Variants in RFX4 observed in about 807,000 individuals in gnomAD.
RFX4 encodes regulatory factor X4.
A neutral mutation model predicts 95.0 loss-of-function variants in RFX4; 10 were observed. The observed-to-expected ratio is 0.11, with a 90% CI of 0.06 to 0.18. RFX4 has a LOEUF of 0.18. RFX4 is among the 10% of genes least tolerant of loss of function. The pLI is 1.00. For missense variants in RFX4, 640 were observed against 922.0 expected, an observed-to-expected ratio of 0.69 and a Z score of 3.96; for synonymous variants, 321 against 340.7, an observed-to-expected ratio of 0.94 and a Z score of 0.64.
chr12:106,647,273 A>C (rs1191123585), intron 3 of RFX4, among the ~76,000 whole-genome samples: 1 of 152,206 alleles, frequency 6.6e-6, no homozygotes, highest in Non-Finnish European at 1.5e-5. Context: ...CTTTAGAGGC[A>C]TCATACCTGA....
rs1411652638 is a variant in RFX4 at position 106,761,568 on chromosome 12, G to A, written c.*99G>A. The A allele has an allele frequency of 1.1e-6, 1 of 886,228 alleles. No homozygotes were observed. The allele number at this position is 886,228 out of a possible 1,614,324, so 54.9% of individuals were successfully genotyped here. The stretch of plus-strand genomic sequence containing the variant: ...CCAGAAGACTTTATCTCTATACATT[G>A]TAACTCATGGGCTATTCCTAAGTGC... On this transcript the variant is annotated 3_prime_UTR_variant, in exon 18 of 18. Transcript: ENST00000392842.
chr12:106,746,396 G>A (rs1199997598), intron 15 of RFX4, among the ~76,000 whole-genome samples: 2 of 151,648 alleles, frequency 1.3e-5, no homozygotes, highest in South Asian at 2.1e-4. Flanking sequence ...GCTGGGCATG[G>A]TGGTACATAC....
At chr12:106,695,315 A>T (rs916571073) in intron 7 of RFX4, among the ~76,000 whole-genome samples, 1 of 152,210 alleles carries the variant, frequency 6.6e-6, no homozygotes, top group African/African-American at 2.4e-5. Context: ...GTTAGCTGAT[A>T]GCTGAAGTCT....
At chr12:106,667,886 T>A (rs2041208935) in intron 4 of RFX4, among the ~76,000 whole-genome samples, 1 of 152,204 alleles carries the variant, frequency 6.6e-6, no homozygotes, top group Non-Finnish European at 1.5e-5. Context: ...GATGAGGTAG[T>A]TGTCTCCAGG....
At chr12:106,739,275 C>A (rs1239569328) in intron 15 of RFX4, among the ~76,000 whole-genome samples, 2 of 152,108 alleles carry the variant, frequency 1.3e-5, no homozygotes, top group Non-Finnish European at 2.9e-5. Context: ...GTTGATCAGA[C>A]AATGTAAATA....
At chr12:106,632,666 T>TTTTTG (rs981634465) in intron 2 of RFX4, among the ~76,000 whole-genome samples, 3 of 152,300 alleles carry the variant, frequency 2.0e-5, no homozygotes, top group East Asian at 1.9e-4. Context: ...TTGGGGTTTC[T>TTTTTG]TTTTGTTTTG....
At chr12:106,682,368 A>G (rs1181545603) in intron 5 of RFX4, 2 of 403,352 alleles carry the variant, frequency 5.0e-6, no homozygotes, top group East Asian at 4.5e-5. Flanking sequence ...CTCTTGGAGG[A>G]TCACCAGGTT....
chr12:106,669,703 A>G (rs1293894398), intron 4 of RFX4, among the ~76,000 whole-genome samples: 2 of 143,208 alleles, frequency 1.4e-5, no homozygotes, highest in Non-Finnish European at 3.1e-5. Context: ...TCCAGTTCTC[A>G]AAGGAAAAAA....
At chr12:106,693,213 T>A (rs2137440191) in intron 7 of RFX4, 1 of 297,198 alleles carries the variant, frequency 3.4e-6, no homozygotes, top group South Asian at 3.0e-5. Flanking sequence ...GGAACAAGTA[T>A]CATTGGACAA....
intron 1 of RFX4, chr12:106,601,167 C>T: frequency 6.7e-7 from 1 of 1,499,390 alleles, no homozygotes; most frequent in Non-Finnish European, 8.9e-7. Context: ...ACCTGAGCCA[C>T]CCCCTGGAGA....
chr12:106,612,876 TAAC>T (rs1390862310), intron 2 of RFX4, among the ~76,000 whole-genome samples: 1 of 152,000 alleles, frequency 6.6e-6, no homozygotes, highest in Admixed American at 6.6e-5. Flanking sequence ...TGAAAAGAGA[TAAC>T]TTTACTTCCT....
At chr12:106,753,452 CCT>C (rs2043048664) in intron 17 of RFX4, among the ~76,000 whole-genome samples, 1 of 152,114 alleles carries the variant, frequency 6.6e-6, no homozygotes, top group African/African-American at 2.4e-5. Flanking sequence ...TTTCTCACAC[CCT>C]GTTATCATCA....
At chr12:106,603,141 T>A (rs1018174641) in intron 1 of RFX4, among the ~76,000 whole-genome samples, 1 of 152,210 alleles carries the variant, frequency 6.6e-6, no homozygotes, top group Admixed American at 6.5e-5. Context: ...GCTGTCAGTG[T>A]GTGCTATAAA....
intron 2 of RFX4, among the ~76,000 whole-genome samples, chr12:106,623,007 A>G (rs550824792): frequency 6.7e-6 from 1 of 150,014 alleles, no homozygotes; most frequent in Admixed American, 6.6e-5. Flanking sequence ...ATTTGAACTC[A>G]GGTCTATATG....
intron 13 of RFX4, among the ~76,000 whole-genome samples, chr12:106,729,192 C>A (rs535140385): frequency 6.6e-6 from 1 of 152,286 alleles, no homozygotes; most frequent in Non-Finnish European, 1.5e-5. Flanking sequence ...TCCAAGCTTT[C>A]CATGCTAATT....
Position 106,719,961 on chromosome 12 carries a change from A to G in RFX4, c.1140A>G (p.Leu380=), listed in dbSNP as rs771840327. ...RDEHRKLITQ[L]YQEFDHLLEE... ...GTGGGGTTCTCCTTTGTTTGACAGT[A>G]TATCAGGAGTTTGACCATCTCTTGG... The change falls in exon 12 of 18, where the codon TTA becomes TTG. Residue 380 remains leucine (L), a splice_region_variant and synonymous_variant. Coordinates refer to ENST00000392842, the MANE Select transcript of RFX4 (RefSeq NM_213594.3). The G allele has an allele frequency of 2.5e-5, 41 of 1,613,306 alleles. No homozygotes were observed. Among genetic ancestry groups the G allele is most frequent in the African/African-American group, 2.5e-4 (19 of 74,910 alleles).
At chr12:106,642,457 A>C (rs1278578866) in intron 3 of RFX4, among the ~76,000 whole-genome samples, 1 of 151,988 alleles carries the variant, frequency 6.6e-6, no homozygotes, top group African/African-American at 2.4e-5. Flanking sequence ...CTCTGCAAAA[A>C]ACAAAAAACT....
At chr12:106,646,401 A>G (rs1369849823) in intron 3 of RFX4, among the ~76,000 whole-genome samples, 2 of 138,714 alleles carry the variant, frequency 1.4e-5, no homozygotes, top group African/African-American at 5.5e-5. Context: ...AAATTGCAAC[A>G]CTGTGCTTAA....
At chr12:106,689,394 C>T in intron 7 of RFX4, 30 bp downstream of exon 7, 1 of 1,549,396 alleles carries the variant, frequency 6.5e-7, no homozygotes, top group Non-Finnish European at 8.9e-7. Context: ...GCTGTGAATA[C>T]TCGGTATTAA....
Sources: allele counts gnomAD v4.1 joint callset (sites outside exome capture counted in the v4.1 genomes callset), GRCh38; gene constraint gnomAD v4.1.1; transcripts MANE v1.5; gene names NCBI Gene and HGNC (gene_info 2026-07-23, HGNC 2026-07-21).